Variants in SEMA5B observed in about 807,000 individuals in gnomAD.
SEMA5B encodes the protein semaphorin-5B.
SEMA5B carries 66 observed loss-of-function variants against 135.0 expected under a neutral mutation model. That is an observed-to-expected ratio of 0.49 (90% CI 0.40 to 0.60). The LOEUF (loss-of-function observed/expected upper bound fraction) is 0.60, where lower values mean the gene tolerates loss of function less well. Ranked by LOEUF, SEMA5B falls within the 20% of genes least tolerant of loss-of-function variation. The probability of loss-of-function intolerance (pLI) is 0.00; values close to 1 mark genes in which losing one functional copy is unlikely to be tolerated. For synonymous variants in SEMA5B, 690 were observed against 639.5 expected, an observed-to-expected ratio of 1.08 and a Z score of -1.19; for missense variants, 1,501 against 1,566.3, an observed-to-expected ratio of 0.96 and a Z score of 0.70.
chr3:122,980,460 CAA>C (rs34995253), intron 1 of SEMA5B, among the ~76,000 whole-genome samples: 14,034 of 109,684 alleles, frequency 0.13, 1,564 homozygotes, highest in African/African-American at 0.32. Flanking sequence ...AAAGCCGTGT[CAA>C]AAAAAAAAAA....
chr3:123,000,743 G>A (rs990903758), intron 1 of SEMA5B, among the ~76,000 whole-genome samples: 6 of 152,232 alleles, frequency 3.9e-5, no homozygotes, highest in Middle Eastern at 6.8e-3. Context: ...TCTTAACAGG[G>A]GAGCCATGGC....
At chr3:123,025,975 C>T (rs1489621509) in intron 1 of SEMA5B, among the ~76,000 whole-genome samples, 2 of 152,234 alleles carry the variant, frequency 1.3e-5, no homozygotes, top group Non-Finnish European at 1.5e-5. Flanking sequence ...TCATCTGTCC[C>T]GGCTTAGAAA....
chr3:122,939,966 G>A (rs1189387798), intron 4 of SEMA5B, among the ~76,000 whole-genome samples: 3 of 152,116 alleles, frequency 2.0e-5, no homozygotes, highest in African/African-American at 4.8e-5. Flanking sequence ...TCCACATCCC[G>A]GGGTCCTGAG....
Position 122,909,625 on chromosome 3 carries a change from T to A in SEMA5B, c.*518A>T, listed in dbSNP as rs1482372083. On this transcript the variant is annotated 3_prime_UTR_variant, in exon 23 of 23. Transcript: ENST00000357599. ...CGCTGGCCTTGGTCCCATGTCATAC[T>A]GGGGCAGCACCACAATGGCCCAGCC... The A allele has an allele frequency of 6.5e-6, 1 of 154,110 alleles. No individual in the cohort carries two copies. Among genetic ancestry groups the A allele is most frequent in the Non-Finnish European group, 1.4e-5 (1 of 69,164 alleles). The allele number at this position is 154,110 out of a possible 1,614,324, so 9.5% of individuals were successfully genotyped here.
chr3:122,943,414 C>A (rs375282078), intron 4 of SEMA5B, 22 bp downstream of exon 4: 4 of 1,542,744 alleles, frequency 2.6e-6, no homozygotes, highest in Non-Finnish European at 1.8e-6. Context: ...CTTCCCACCC[C>A]GACCCTTCTG....
rs766927491 is a variant in SEMA5B at position 122,911,533 on chromosome 3, T to C, written c.3049A>G (p.Ile1017Val). ...RPCPYSEIPVILPASSMEEAT... is the reference protein window; with the variant it reads ...RPCPYSEIPVVLPASSMEEAT... ...TCCTCCATGCTGGAGGCTGGCAGGA[T>C]GACTGCAGGAAGACCAGTGGACAGG... is the stretch of plus-strand genomic sequence containing the variant. Residue 1017 changes from isoleucine to valine, a missense_variant and splice_region_variant, in exon 21 of 23, where the codon ATC becomes GTC. Transcript: ENST00000357599. The C allele has an allele frequency of 1.2e-6, 2 of 1,609,830 alleles. No homozygotes were observed. The highest frequency in any genetic ancestry group is 1.3e-5 in the African/African-American group (1 of 74,892).
At chr3:122,929,347 C>T (rs1040731527) in intron 5 of SEMA5B, among the ~76,000 whole-genome samples, 2 of 152,194 alleles carry the variant, frequency 1.3e-5, no homozygotes, top group East Asian at 1.9e-4. Context: ...ATCATCCCCA[C>T]GCAGATCTGC....
intron 1 of SEMA5B, among the ~76,000 whole-genome samples, chr3:122,978,076 C>T (rs1193429138): frequency 6.6e-6 from 1 of 152,220 alleles, no homozygotes; most frequent in East Asian, 1.9e-4. Flanking sequence ...GCCAGTCCTG[C>T]CCCCAGGCAG....
chr3:122,943,721 C>T (rs1939666964), intron 3 of SEMA5B, among the ~76,000 whole-genome samples, 186 bp from the exon 4 acceptor site: 1 of 152,112 alleles, frequency 6.6e-6, no homozygotes, highest in South Asian at 2.1e-4. Context: ...TGTAGTCATT[C>T]TTCTGCCACA....
intron 3 of SEMA5B, 60 bp from the exon 4 acceptor site, chr3:122,943,595 G>C: frequency 8.0e-7 from 1 of 1,248,964 alleles, no homozygotes; most frequent in Non-Finnish European, 1.2e-6. Flanking sequence ...CAGCTGCATC[G>C]CAGCAGACCA....
At chr3:123,002,287 A>G (rs1481346934) in intron 1 of SEMA5B, among the ~76,000 whole-genome samples, 2 of 152,338 alleles carry the variant, frequency 1.3e-5, no homozygotes, top group East Asian at 1.9e-4. Context: ...AACCCAGTGC[A>G]TTGCATTCCA....
chr3:122,913,308 G>GCGGAAC lies in SEMA5B; in HGVS notation c.2391_2396dup (p.Arg799_Phe800dup). Reference sequence around the variant, plus strand: ...CTGCAAGGGGCGCGCGGCAGGTGAAGCGGAACCGCTGCTCCTGCCGTGCCC... The same window carrying GCGGAAC: ...CTGCAAGGGGCGCGCGGCAGGTGAAGCGGAACCGGAACCGCTGCTCCTGCCGTGCCC... On this transcript the variant is annotated inframe_insertion, in exon 17 of 23. Coordinates refer to ENST00000357599, the MANE Select transcript of SEMA5B (RefSeq NM_001031702.4). The GCGGAAC allele has an allele frequency of 6.3e-7, 1 of 1,575,076 alleles. No homozygotes were observed. The highest frequency in any genetic ancestry group is 8.6e-7 in the Non-Finnish European group (1 of 1,169,370).
At chr3:122,919,891 G>T (rs774840721) in intron 12 of SEMA5B, among the ~76,000 whole-genome samples, 15 of 152,166 alleles carry the variant, frequency 9.9e-5, no homozygotes, top group Admixed American at 9.8e-4. Context: ...GGGCAAGAGT[G>T]CAATGGGCAC....
At chr3:122,914,658 G>T (rs1437639547) in intron 14 of SEMA5B, among the ~76,000 whole-genome samples, 1 of 152,212 alleles carries the variant, frequency 6.6e-6, no homozygotes, top group Non-Finnish European at 1.5e-5. Context: ...CCAAGGCTGG[G>T]TGTGGTGGCT....
At chr3:122,946,836 GCATT>G (rs796926644) in intron 3 of SEMA5B, among the ~76,000 whole-genome samples, 49 of 152,280 alleles carry the variant, frequency 3.2e-4, no homozygotes, top group African/African-American at 1.2e-3. Context: ...GGGGAGAGGG[GCATT>G]CCTTCATTCT....
chr3:122,941,398 G>A (rs1176894976), intron 4 of SEMA5B, among the ~76,000 whole-genome samples: 1 of 152,246 alleles, frequency 6.6e-6, no homozygotes, highest in East Asian at 1.9e-4. Flanking sequence ...CAGAGCGGAT[G>A]AGGAAGAACA....
chr3:122,961,879 T>A (rs370376064), intron 1 of SEMA5B, among the ~76,000 whole-genome samples: 6 of 152,300 alleles, frequency 3.9e-5, no homozygotes, highest in East Asian at 3.9e-4. Flanking sequence ...CATTCCTCAA[T>A]GGAGGCTCTG....
intron 12 of SEMA5B, 43 bp downstream of exon 12, chr3:122,921,872 C>G: frequency 6.7e-7 from 1 of 1,489,944 alleles, no homozygotes; most frequent in South Asian, 1.3e-5. Flanking sequence ...TTAAGCGCCT[C>G]CTCCGCAGTG....
chr3:122,957,584 G>A (rs1253598405), intron 2 of SEMA5B, among the ~76,000 whole-genome samples: 2 of 152,258 alleles, frequency 1.3e-5, no homozygotes, highest in African/African-American at 4.8e-5. Flanking sequence ...GACCCTAAAA[G>A]ATGGGGGCTT....
Sources: gnomAD v4.1 joint callset for allele counts (sites outside exome capture counted in the v4.1 genomes callset) on GRCh38, gnomAD v4.1.1 for gene constraint, MANE v1.5 for transcripts, NCBI Gene and HGNC (gene_info 2026-07-23, HGNC 2026-07-21) for gene names.